Variants in TMC7 observed in about 807,000 individuals in gnomAD.
TMC7 encodes the protein transmembrane channel-like protein 7.
TMC7 carries 54 observed loss-of-function variants against 82.9 expected under a neutral mutation model. The ratio of observed to expected loss-of-function variants is 0.65; its 90% confidence interval spans 0.52 to 0.82. TMC7 has a LOEUF of 0.82. TMC7 is among the 40% of genes least tolerant of loss of function. The probability of loss-of-function intolerance (pLI) is 0.00; values close to 1 mark genes in which losing one functional copy is unlikely to be tolerated. For missense variants in TMC7, 820 were observed against 901.2 expected (o/e 0.91, Z 1.15); for synonymous variants, 350 against 337.9 (o/e 1.04, Z -0.39).
intron 13 of TMC7, among the ~76,000 whole-genome samples, chr16:19,055,385 T>C (rs1018367437): frequency 6.6e-6 from 1 of 152,180 alleles, no homozygotes; most frequent in African/African-American, 2.4e-5. Context: ...GGAGATGGCA[T>C]GTCGCTCTGT....
intron 1 of TMC7, among the ~76,000 whole-genome samples, chr16:18,991,154 A>AT (rs201163741): frequency 0.018 from 2,688 of 152,192 alleles, 30 homozygotes; most frequent in Middle Eastern, 0.031. Flanking sequence ...TCAGCTGAAG[A>AT]TTTTGGGGTA....
intron 7 of TMC7, among the ~76,000 whole-genome samples, chr16:19,037,424 G>T (rs1026104611): frequency 3.4e-5 from 5 of 148,210 alleles, no homozygotes; most frequent in African/African-American, 1.2e-4. Flanking sequence ...AAGTAGTTGG[G>T]CTAAGTCTAG....
At chr16:19,043,940 G>C (rs1005347811) in intron 9 of TMC7, among the ~76,000 whole-genome samples, 1 of 151,456 alleles carries the variant, frequency 6.6e-6, no homozygotes, top group Admixed American at 6.6e-5. Flanking sequence ...TGTGATCTCG[G>C]CTCACTGCAA....
Position 19,061,949 on chromosome 16 carries a change from T to C in TMC7, c.*106T>C. ...GGTTTTGAGTGGACATTTAAAAATATATTTTTCTTGAGTTTAGGCTTTTCC... is the reference window on the plus strand; with the variant it reads ...GGTTTTGAGTGGACATTTAAAAATACATTTTTCTTGAGTTTAGGCTTTTCC... On this transcript the variant is annotated 3_prime_UTR_variant, in exon 16 of 16. Coordinates refer to ENST00000304381, the MANE Select transcript of TMC7 (RefSeq NM_024847.4). The C allele has an allele frequency of 1.1e-6, 1 of 935,698 alleles. No individual in the cohort carries two copies. Among genetic ancestry groups the C allele is most frequent in the Non-Finnish European group, 1.6e-6 (1 of 637,534 alleles). The allele number at this position is 935,698 out of a possible 1,614,324, so 58.0% of individuals were successfully genotyped here. A position where few individuals can be genotyped will look rare whatever the true frequency, so the allele number is the denominator to read the frequency against.
intron 1 of TMC7, among the ~76,000 whole-genome samples, chr16:18,991,726 C>G (rs1362727326): frequency 6.6e-6 from 1 of 151,924 alleles, no homozygotes; most frequent in Non-Finnish European, 1.5e-5. Context: ...CTAATGCTAT[C>G]CCTCCCCCGT....
chr16:19,021,119 C>T (rs1266369730), intron 3 of TMC7, among the ~76,000 whole-genome samples: 3 of 152,080 alleles, frequency 2.0e-5, no homozygotes, highest in Non-Finnish European at 4.4e-5. Flanking sequence ...AACACTAATT[C>T]TAACATTTGT....
intron 1 of TMC7, among the ~76,000 whole-genome samples, chr16:18,984,874 C>G (rs115390640): frequency 5.9e-5 from 9 of 152,158 alleles, no homozygotes; most frequent in Admixed American, 2.6e-4. Context: ...TTGGAGCTTA[C>G]GAATCTTGTC....
intron 1 of TMC7, among the ~76,000 whole-genome samples, chr16:19,006,836 A>G (rs1179537152): frequency 6.6e-6 from 1 of 151,856 alleles, no homozygotes; most frequent in Non-Finnish European, 1.5e-5. Context: ...TGCTTTTTTG[A>G]GACAAAGTCT....
intron 3 of TMC7, 128 bp from the exon 4 acceptor site, chr16:19,021,501 A>G (rs79495269): frequency 9.7e-7 from 1 of 1,034,172 alleles, no homozygotes; most frequent in Non-Finnish European, 1.4e-6. Flanking sequence ...AATTGAGAAA[A>G]AAATAAAACG....
Position 19,007,561 on chromosome 16 carries a change from G to T in TMC7, c.68-1611G>T, listed in dbSNP as rs191863352. Reference sequence around the variant, plus strand: ...GGTGCTTTTCCCCAAATATCCAGGGGTCTCACCCCTTCCCTTCATTCAGCC... The same window carrying T: ...GGTGCTTTTCCCCAAATATCCAGGGTTCTCACCCCTTCCCTTCATTCAGCC... On this transcript the variant is annotated intron_variant, in intron 1 of 15. Transcript: ENST00000304381. 9.9e-3 allele frequency among the ~76,000 whole-genome samples: 1,503 copies of T among 152,044 alleles called. 35 individuals are homozygous for T. Among genetic ancestry groups the T allele is most frequent in the African/African-American group, 0.034 (1,418 of 41,452 alleles).
intron 9 of TMC7, among the ~76,000 whole-genome samples, chr16:19,043,047 CTTAAT>C (rs949460401): frequency 6.6e-6 from 1 of 151,730 alleles, no homozygotes; most frequent in African/African-American, 2.4e-5. Flanking sequence ...TGCCCGGCTA[CTTAAT>C]TTATTTTTGT....
chr16:19,005,968 T>C (rs1320887074), intron 1 of TMC7, among the ~76,000 whole-genome samples: 2 of 152,176 alleles, frequency 1.3e-5, no homozygotes, highest in Non-Finnish European at 2.9e-5. Flanking sequence ...TGCTCCATTG[T>C]GTCTGAACTT....
intron 1 of TMC7, among the ~76,000 whole-genome samples, chr16:18,997,139 G>C (rs910324099): frequency 2.6e-5 from 4 of 152,236 alleles, no homozygotes; most frequent in Admixed American, 6.5e-5. Flanking sequence ...CGGAGTGAGG[G>C]CGAGGACAGG....
In TMC7 at chr16:19,061,852, A is replaced by G; in HGVS notation, c.*9A>G. ...GGGACATGAGGAACTAACTAGACTG[A>G]GCGTGAAGATGGTGCTGCCTGTTGC... On this transcript the variant is annotated 3_prime_UTR_variant, in exon 16 of 16. Transcript: ENST00000304381. 1 of 1,612,414 alleles carries G rather than the reference A, an allele frequency of 6.2e-7. No homozygotes were observed. The highest frequency in any genetic ancestry group is 1.1e-5 in the South Asian group (1 of 90,794).
chr16:18,984,469 G>T (rs754871386), intron 1 of TMC7: 9 of 1,114,476 alleles, frequency 8.1e-6, no homozygotes, highest in Middle Eastern at 3.9e-4. Flanking sequence ...CCCCCTCCAC[G>T]CCTAACATTC....
intron 1 of TMC7, among the ~76,000 whole-genome samples, chr16:18,995,660 T>C (rs939187004): frequency 1.3e-5 from 2 of 152,190 alleles, no homozygotes; most frequent in Non-Finnish European, 2.9e-5. Context: ...TTGAAGTTCT[T>C]GTGTGCTAGA....
At chr16:19,060,293 C>T (rs1393354614) in intron 15 of TMC7, among the ~76,000 whole-genome samples, 4 of 152,090 alleles carry the variant, frequency 2.6e-5, no homozygotes, top group Non-Finnish European at 5.9e-5. Flanking sequence ...CAGCCTCAAA[C>T]TCTTGGTCTC....
chr16:19,052,005 C>T (rs1961563389), intron 13 of TMC7, among the ~76,000 whole-genome samples, 189 bp downstream of exon 13: 1 of 151,880 alleles, frequency 6.6e-6, no homozygotes, highest in African/African-American at 2.4e-5. Flanking sequence ...AATGATTCTC[C>T]CGAGTAGCTG....
intron 1 of TMC7, among the ~76,000 whole-genome samples, chr16:19,002,500 G>A (rs2039159544): frequency 6.6e-6 from 1 of 152,076 alleles, no homozygotes; most frequent in Non-Finnish European, 1.5e-5. Context: ...GCCTCCCAAA[G>A]TGCTGGGATT....
Sources: gnomAD v4.1 joint callset for allele counts (sites outside exome capture counted in the v4.1 genomes callset) on GRCh38, gnomAD v4.1.1 for gene constraint, MANE v1.5 for transcripts, NCBI Gene and HGNC (gene_info 2026-07-23, HGNC 2026-07-21) for gene names.